The following LNPEP variants were observed in gnomAD, a reference collection of about 807,000 sequenced individuals.
The protein encoded by LNPEP is leucyl and cystinyl aminopeptidase.
LNPEP carries 64 observed loss-of-function variants against 120.6 expected under a neutral mutation model. That is an observed-to-expected ratio of 0.53 (90% CI 0.43 to 0.65). The LOEUF is 0.65. Among genes scored for constraint, LNPEP ranks in the 30% least tolerant of loss-of-function variants. LNPEP has a pLI of 0.00. For synonymous variants in LNPEP, 435 were observed against 425.4 expected, an observed-to-expected ratio of 1.02 and a Z score of -0.28; for missense variants, 1,057 against 1,200.0, an observed-to-expected ratio of 0.88 and a Z score of 1.76.
rs781727347 is a variant in LNPEP at position 97,008,337 on chromosome 5, G to GTTTTTTTTTTTTTTTTTTTTTTTTTTTTT, written c.2035+1825_2035+1853dup. ...TTGATTTTTTTGTTTGTTTTTTCTT[G>GTTTTTTTTTTTTTTTTTTTTTTTTTTTTT]TTTTTTTTTTTTTTTTTTTTTTTTT... is the stretch of plus-strand genomic sequence containing the variant. On this transcript the variant is annotated intron_variant, in intron 11 of 17. Transcript: ENST00000231368. Among the ~76,000 whole-genome samples, 9 of 59,840 alleles carry GTTTTTTTTTTTTTTTTTTTTTTTTTTTTT rather than the reference G, an allele frequency of 1.5e-4. 2 individuals carry two copies. Among genetic ancestry groups the GTTTTTTTTTTTTTTTTTTTTTTTTTTTTT allele is most frequent in the Non-Finnish European group, 2.6e-4 (9 of 34,900 alleles). 39.3% of individuals were successfully genotyped at this position (59,840 alleles called of 152,430 possible).
intron 7 of LNPEP, among the ~76,000 whole-genome samples, chr5:96,997,038 G>A (rs1253207357): frequency 6.6e-6 from 1 of 151,894 alleles, no homozygotes; most frequent in Non-Finnish European, 1.5e-5. Context: ...CCAAAGACAA[G>A]GAATACCGTT....
chr5:96,962,527 T>C (rs1451157196), intron 1 of LNPEP: 1 of 152,224 alleles, frequency 6.6e-6, no homozygotes, highest in Non-Finnish European at 1.5e-5. Flanking sequence ...TATCCCCATC[T>C]TATAAATGAG....
At chr5:97,020,792 A>G (rs1326430861) in intron 13 of LNPEP, among the ~76,000 whole-genome samples, 1 of 152,052 alleles carries the variant, frequency 6.6e-6, no homozygotes, top group Non-Finnish European at 1.5e-5. Context: ...ACTGAGCAAG[A>G]CTCCATCTCA....
At chr5:97,027,534 T>A (rs982794350) in intron 16 of LNPEP, among the ~76,000 whole-genome samples, 199 bp from the exon 17 acceptor site, 3 of 152,218 alleles carry the variant, frequency 2.0e-5, no homozygotes, top group Admixed American at 1.3e-4. Flanking sequence ...CTGCATGTTC[T>A]GAACTCTTCC....
At chr5:97,012,422 A>G (rs1407490885) in intron 11 of LNPEP, among the ~76,000 whole-genome samples, 1 of 152,166 alleles carries the variant, frequency 6.6e-6, no homozygotes, top group East Asian at 1.9e-4. Context: ...AAATTATATA[A>G]TAAATATCTA....
At chr5:96,960,066 G>A (rs1303428211) in intron 1 of LNPEP, among the ~76,000 whole-genome samples, 1 of 150,538 alleles carries the variant, frequency 6.6e-6, no homozygotes, top group African/African-American at 2.4e-5. Context: ...AGCCTCCCGA[G>A]TAGCTGGGAT....
rs1044681369 is a variant in LNPEP, at chr5:97,021,003, T to C, written c.2377-1297T>C. Among the ~76,000 whole-genome samples, 6 of 152,106 alleles carry C rather than the reference T, an allele frequency of 3.9e-5. No homozygotes were observed. The South Asian group carries it at 8.3e-4, about 21-fold the overall frequency. ...TTGGTGTTTTTATTTTGGAGAGAGATGAAAAAGGCGTCTGTTAGTACCTTA... is the reference window on the plus strand; with the variant it reads ...TTGGTGTTTTTATTTTGGAGAGAGACGAAAAAGGCGTCTGTTAGTACCTTA... On this transcript the variant is annotated intron_variant, in intron 13 of 17. Transcript: ENST00000231368.
rs560661281 is a variant in LNPEP, at chr5:97,010,182, C to T, written c.2036-3466C>T. The stretch of plus-strand genomic sequence containing the variant: ...TTATATTTTTTAAAGTTTCCCTCTT[C>T]CCTTTCTTCCTCCCTCTCTCTCTCT... On this transcript the variant is annotated intron_variant, in intron 11 of 17. Coordinates refer to ENST00000231368, the MANE Select transcript of LNPEP (RefSeq NM_005575.3). 946 of 706,264 alleles carry T rather than the reference C, an allele frequency of 1.3e-3. 1 individual carries two copies. The highest frequency in any genetic ancestry group is 1.5e-3 in the Non-Finnish European group (883 of 575,320). 43.7% of individuals were successfully genotyped at this position (706,264 alleles called of 1,614,324 possible). A position where few individuals can be genotyped will look rare whatever the true frequency, so the allele number is the denominator to read the frequency against.
At chr5:96,976,247 A>G (rs1032700110) in intron 1 of LNPEP, among the ~76,000 whole-genome samples, 2 of 151,272 alleles carry the variant, frequency 1.3e-5, no homozygotes, top group African/African-American at 4.9e-5. Flanking sequence ...TGTGCATACA[A>G]AAAAAAAACT....
intron 11 of LNPEP, chr5:97,011,307 C>A: frequency 3.9e-6 from 2 of 509,948 alleles, no homozygotes; most frequent in Non-Finnish European, 2.5e-6. Flanking sequence ...CTCACTGCAG[C>A]CTTGACCTAG....
At chr5:96,985,914 C>T (rs1369517070) in intron 3 of LNPEP, among the ~76,000 whole-genome samples, 1 of 152,116 alleles carries the variant, frequency 6.6e-6, no homozygotes, top group Non-Finnish European at 1.5e-5. Context: ...AACAAGACAG[C>T]ACTGTACCAG....
intron 1 of LNPEP, among the ~76,000 whole-genome samples, chr5:96,973,350 A>AT (rs1022208149): frequency 3.3e-5 from 5 of 151,830 alleles, no homozygotes; most frequent in East Asian, 1.9e-4. Flanking sequence ...AAAAAATAGA[A>AT]TTTTTTTTGA....
chr5:97,014,439 A>G (rs1791013506), intron 12 of LNPEP, among the ~76,000 whole-genome samples: 1 of 152,066 alleles, frequency 6.6e-6, no homozygotes, highest in Non-Finnish European at 1.5e-5. Context: ...CATCCTAGCC[A>G]TTGCTGCTGT....
chr5:96,959,578 C>CT (rs1472901277), intron 1 of LNPEP, among the ~76,000 whole-genome samples: 1 of 152,058 alleles, frequency 6.6e-6, no homozygotes, highest in Non-Finnish European at 1.5e-5. Flanking sequence ...TTATTTTTTA[C>CT]TTTTTATGAA....
intron 1 of LNPEP, among the ~76,000 whole-genome samples, chr5:96,951,998 C>CA (rs1789335353): frequency 6.6e-6 from 1 of 151,998 alleles, no homozygotes; most frequent in East Asian, 1.9e-4. Context: ...ATCTCCTTTA[C>CA]ACTCTTAAAA....
chr5:97,014,581 C>T (rs771909027), intron 12 of LNPEP, among the ~76,000 whole-genome samples: 1 of 152,042 alleles, frequency 6.6e-6, no homozygotes, highest in Non-Finnish European at 1.5e-5. Context: ...CAGATACTCT[C>T]TATGCTATAC....
At chr5:97,014,099 A>G (rs1791004994) in intron 12 of LNPEP, among the ~76,000 whole-genome samples, 1 of 152,160 alleles carries the variant, frequency 6.6e-6, no homozygotes, top group Non-Finnish European at 1.5e-5. Flanking sequence ...ACTAAACTTG[A>G]TACACGAGTT....
At chr5:97,014,074 A>T (rs1330405639) in intron 12 of LNPEP, among the ~76,000 whole-genome samples, 1 of 152,164 alleles carries the variant, frequency 6.6e-6, no homozygotes, top group Non-Finnish European at 1.5e-5. Context: ...CAAAAACAGG[A>T]TACATATTTT....
At chr5:96,961,356 T>C (rs1789601041) in intron 1 of LNPEP, among the ~76,000 whole-genome samples, 1 of 152,186 alleles carries the variant, frequency 6.6e-6, no homozygotes, top group South Asian at 2.1e-4. Flanking sequence ...TTCACTTCTA[T>C]CTTCCTCTAG....
Sources: allele counts gnomAD v4.1 joint callset (sites outside exome capture counted in the v4.1 genomes callset), GRCh38; gene constraint gnomAD v4.1.1; transcripts MANE v1.5; gene names NCBI Gene and HGNC (gene_info 2026-07-23, HGNC 2026-07-21).